Variants in PCDH15 observed in about 807,000 individuals in gnomAD.
PCDH15 encodes the protein protocadherin related 15.
PCDH15 carries 129 observed loss-of-function variants against 178.5 expected under a neutral mutation model. That is an observed-to-expected ratio of 0.72 (90% CI 0.63 to 0.84). PCDH15 has a LOEUF of 0.84. Among genes scored for constraint, PCDH15 ranks in the 40% least tolerant of loss-of-function variants. The pLI is 0.00. For synonymous variants in PCDH15, 800 were observed against 732.0 expected, an observed-to-expected ratio of 1.09 and a Z score of -1.50; for missense variants, 2,230 against 2,099.9, an observed-to-expected ratio of 1.06 and a Z score of -1.21.
chr10:55,521,794 T>C (rs1040991640), intron 2 of PCDH15, among the ~76,000 whole-genome samples: 2 of 152,006 alleles, frequency 1.3e-5, no homozygotes, highest in Admixed American at 1.3e-4. Context: ...CTGCATTTAA[T>C]ACACCTATCC....
At chr10:54,422,239 G>A (rs1955619089) in intron 3 of PCDH15, among the ~76,000 whole-genome samples, 2 of 151,798 alleles carry the variant, frequency 1.3e-5, no homozygotes. Flanking sequence ...CAAATTATCT[G>A]ACTATAAATC....
chr10:54,067,102 A>C (rs1260067746), intron 17 of PCDH15, among the ~76,000 whole-genome samples: 2 of 152,192 alleles, frequency 1.3e-5, no homozygotes, highest in African/African-American at 4.8e-5. Flanking sequence ...AAAGCAAATG[A>C]TGATATTAAA....
chr10:54,728,248 T>G (rs867436069), intron 1 of PCDH15, among the ~76,000 whole-genome samples: 1 of 151,520 alleles, frequency 6.6e-6, no homozygotes, highest in Non-Finnish European at 1.5e-5. Context: ...TATGAAGGCT[T>G]TATTCCTGGG....
intron 2 of PCDH15, among the ~76,000 whole-genome samples, chr10:55,498,323 C>A (rs1421586052): frequency 6.6e-6 from 1 of 151,854 alleles, no homozygotes; most frequent in Non-Finnish European, 1.5e-5. Context: ...AAGACTTCTG[C>A]AGAATATAAA....
intron 34 of PCDH15, among the ~76,000 whole-genome samples, chr10:53,817,199 ACAATC>A (rs1006782857): frequency 3.3e-5 from 5 of 152,166 alleles, no homozygotes; most frequent in African/African-American, 9.7e-5. Flanking sequence ...ATTCTAAACT[ACAATC>A]CAATTAGGTC....
At chr10:54,626,989 T>C (rs960100176) in intron 2 of PCDH15, among the ~76,000 whole-genome samples, 1 of 152,168 alleles carries the variant, frequency 6.6e-6, no homozygotes, top group Non-Finnish European at 1.5e-5. Context: ...TTTTGGAGCT[T>C]TAAGGTTTGA....
chr10:55,440,915 A>G (rs1839169681), intron 2 of PCDH15, among the ~76,000 whole-genome samples: 1 of 152,158 alleles, frequency 6.6e-6, no homozygotes, highest in Admixed American at 6.6e-5. Flanking sequence ...CCCCATATAA[A>G]ACCATTAGAT....
At chr10:55,062,918 T>C (rs1211062142) in intron 2 of PCDH15, among the ~76,000 whole-genome samples, 1 of 152,130 alleles carries the variant, frequency 6.6e-6, no homozygotes, top group Non-Finnish European at 1.5e-5. Context: ...TTTAAAATGA[T>C]AGTGGCCAAT....
At chr10:55,506,620 AG>A (rs979932025) in intron 2 of PCDH15, among the ~76,000 whole-genome samples, 3 of 151,558 alleles carry the variant, frequency 2.0e-5, no homozygotes, top group Non-Finnish European at 1.5e-5. Context: ...AGGAACAAAC[AG>A]GGTAATATTT....
chr10:55,605,284 C>A (rs1331902114), intron 2 of PCDH15, among the ~76,000 whole-genome samples: 1 of 152,116 alleles, frequency 6.6e-6, no homozygotes, highest in Non-Finnish European at 1.5e-5. Context: ...AGTCCAGGAC[C>A]AGATGGATTC....
At chr10:54,924,867 G>C (rs1343542501) in intron 2 of PCDH15, among the ~76,000 whole-genome samples, 1 of 152,096 alleles carries the variant, frequency 6.6e-6, no homozygotes, top group Non-Finnish European at 1.5e-5. Flanking sequence ...TGCATAGCTT[G>C]TAAAAATGTT....
intron 25 of PCDH15, among the ~76,000 whole-genome samples, chr10:53,935,444 T>C (rs1156447548): frequency 1.3e-5 from 2 of 151,880 alleles, no homozygotes; most frequent in African/African-American, 4.8e-5. Context: ...ATATGAGCAG[T>C]GCAAAAAAAA....
intron 2 of PCDH15, among the ~76,000 whole-genome samples, chr10:54,560,972 AAGC>A: frequency 6.6e-6 from 1 of 152,134 alleles, no homozygotes; most frequent in East Asian, 1.9e-4. Flanking sequence ...GATTTTGAAT[AAGC>A]ATCTGTGTAA....
At chr10:53,856,898 T>G (rs988462122) in intron 28 of PCDH15, among the ~76,000 whole-genome samples, 4 of 151,970 alleles carry the variant, frequency 2.6e-5, no homozygotes, top group Non-Finnish European at 5.9e-5. Flanking sequence ...GAGTCAACAA[T>G]GGGTACATGC....
chr10:54,490,418 C>G (rs2079481086), intron 3 of PCDH15, among the ~76,000 whole-genome samples: 1 of 151,506 alleles, frequency 6.6e-6, no homozygotes, highest in African/African-American at 2.4e-5. Flanking sequence ...CCACTGCACT[C>G]CAGCCTGGGT....
intron 3 of PCDH15, among the ~76,000 whole-genome samples, chr10:54,493,723 C>T (rs1441446533): frequency 6.6e-6 from 1 of 152,058 alleles, no homozygotes; most frequent in Non-Finnish European, 1.5e-5. Flanking sequence ...TTGACCCAGC[C>T]ATCCCATTAC....
chr10:54,918,675 C>A (rs1392283012), intron 2 of PCDH15, among the ~76,000 whole-genome samples: 3 of 152,056 alleles, frequency 2.0e-5, no homozygotes, highest in South Asian at 4.1e-4. Context: ...ACACTGTTTC[C>A]TTATATCCCA....
intron 27 of PCDH15, among the ~76,000 whole-genome samples, chr10:53,861,169 AG>A: frequency 6.6e-6 from 1 of 152,198 alleles, no homozygotes; most frequent in East Asian, 1.9e-4. Flanking sequence ...TAAGATTAGT[AG>A]ATTTTATTTA....
At chr10:54,972,140 T>C (rs994448320) in intron 2 of PCDH15, among the ~76,000 whole-genome samples, 3 of 152,186 alleles carry the variant, frequency 2.0e-5, no homozygotes, top group African/African-American at 4.8e-5. Flanking sequence ...AATATAGGAA[T>C]AGTACATCAA....
Sources: gnomAD v4.1 joint callset for allele counts (sites outside exome capture counted in the v4.1 genomes callset) on GRCh38, gnomAD v4.1.1 for gene constraint, MANE v1.5 for transcripts, NCBI Gene and HGNC (gene_info 2026-07-23, HGNC 2026-07-21) for gene names.